The following RUNDC3B variants were observed in gnomAD, a reference collection of about 807,000 sequenced individuals.
RUNDC3B encodes RUN domain-containing protein 3B.
A neutral mutation model predicts 58.4 loss-of-function variants in RUNDC3B; 33 were observed. That is an observed-to-expected ratio of 0.56 (90% CI 0.43 to 0.75). The LOEUF is 0.75. Among genes scored for constraint, RUNDC3B ranks in the 30% least tolerant of loss-of-function variants. RUNDC3B has a pLI of 0.00. For missense variants in RUNDC3B, 501 were observed against 535.7 expected (o/e 0.94, Z 0.64); for synonymous variants, 193 against 195.2 (o/e 0.99, Z 0.10).
At chr7:87,743,795 G>C (rs904882971) in intron 6 of RUNDC3B, among the ~76,000 whole-genome samples, 1 of 151,982 alleles carries the variant, frequency 6.6e-6, no homozygotes, top group Non-Finnish European at 1.5e-5. Flanking sequence ...TCCTTTTGCC[G>C]TGCAAAAGCT....
chr7:87,714,356 G>A (rs1052265724), intron 4 of RUNDC3B, among the ~76,000 whole-genome samples: 3 of 152,276 alleles, frequency 2.0e-5, no homozygotes, highest in African/African-American at 7.2e-5. Flanking sequence ...GAGGGCAGGG[G>A]TAGGTTAGTG....
chr7:87,793,660 G>T (rs1835651120), intron 8 of RUNDC3B, among the ~76,000 whole-genome samples: 1 of 151,886 alleles, frequency 6.6e-6, no homozygotes. Context: ...TCAAAAAACT[G>T]AGTTTTTTTT....
Position 87,628,584 on chromosome 7 carries a change from C to CGTGTGTGTGTGTGTGTGTGTGTGT in RUNDC3B, c.-222_-199dup. On this transcript the variant is annotated 5_prime_UTR_variant, in exon 1 of 11. Coordinates refer to ENST00000394654, the MANE Select transcript of RUNDC3B (RefSeq NM_001134405.2). ...CGAGGGCGGAGGTGGTGCGTGCGTG[C>CGTGTGTGTGTGTGTGTGTGTGTGT]GTGTGTGTGTGTGTGTGTGTGTGTG... The CGTGTGTGTGTGTGTGTGTGTGTGT allele has an allele frequency of 3.6e-6, 1 of 278,498 alleles. No individual in the cohort carries two copies. The highest frequency in any genetic ancestry group is 5.8e-5 in the East Asian group (1 of 17,292). The allele number at this position is 278,498 out of a possible 1,614,324, so 17.3% of individuals were successfully genotyped here.
At chr7:87,730,469 C>A (rs1304323075) in intron 4 of RUNDC3B, among the ~76,000 whole-genome samples, 2 of 151,772 alleles carry the variant, frequency 1.3e-5, no homozygotes, top group African/African-American at 2.4e-5. Context: ...AGAAGAGACT[C>A]TTCTGCTTGA....
At chr7:87,651,300 T>G (rs1823546168) in intron 2 of RUNDC3B, among the ~76,000 whole-genome samples, 1 of 152,142 alleles carries the variant, frequency 6.6e-6, no homozygotes, top group Non-Finnish European at 1.5e-5. Flanking sequence ...TCTACTTTCT[T>G]AAACTTAGGT....
intron 4 of RUNDC3B, among the ~76,000 whole-genome samples, chr7:87,735,636 C>G (rs915420304): frequency 2.6e-5 from 4 of 152,116 alleles, no homozygotes; most frequent in Non-Finnish European, 5.9e-5. Context: ...ATGCCTGCCA[C>G]TCAAGAAGTG....
rs142024281 is a variant in RUNDC3B, at chr7:87,652,888, C to T, written c.238+1951C>T. On this transcript the variant is annotated intron_variant, in intron 2 of 10. Transcript: ENST00000394654. Reference sequence around the variant, plus strand: ...TACAAATTAAAATTTTATAACTTTGCGTGTTTCTAAGATCTACTTTTCTAC... The same window carrying T: ...TACAAATTAAAATTTTATAACTTTGTGTGTTTCTAAGATCTACTTTTCTAC... 7.0e-3 allele frequency among the ~76,000 whole-genome samples: 1,061 copies of T among 151,758 alleles called. 20 individuals carry two copies. The highest frequency in any genetic ancestry group is 0.024 in the African/African-American group (983 of 41,418).
intron 4 of RUNDC3B, among the ~76,000 whole-genome samples, chr7:87,724,692 A>G (rs1453019225): frequency 2.0e-5 from 3 of 152,206 alleles, no homozygotes; most frequent in South Asian, 4.1e-4. Context: ...TTGTCATAGT[A>G]ATCAAAATAA....
intron 6 of RUNDC3B, among the ~76,000 whole-genome samples, chr7:87,768,645 C>T (rs540799695): frequency 2.6e-5 from 4 of 152,312 alleles, no homozygotes; most frequent in African/African-American, 9.6e-5. Context: ...CAGTTTGTCA[C>T]ATTGGTGAGG....
At chr7:87,823,698 G>T (rs201209858) in intron 10 of RUNDC3B, among the ~76,000 whole-genome samples, 1 of 151,816 alleles carries the variant, frequency 6.6e-6, no homozygotes, top group Non-Finnish European at 1.5e-5. Context: ...AGTTACTTCA[G>T]TTAGAATAAT....
chr7:87,755,871 AGCAATCAG>A (rs1833339003), intron 6 of RUNDC3B, among the ~76,000 whole-genome samples: 1 of 152,154 alleles, frequency 6.6e-6, no homozygotes, highest in African/African-American at 2.4e-5. Flanking sequence ...TCCTAGCCAG[AGCAATCAG>A]GCAAGAGAAA....
chr7:87,811,174 T>G (rs1275128351), intron 9 of RUNDC3B, among the ~76,000 whole-genome samples: 1 of 152,174 alleles, frequency 6.6e-6, no homozygotes, highest in Non-Finnish European at 1.5e-5. Context: ...TCACCCATTC[T>G]TATCCCAAAA....
chr7:87,704,914 C>T (rs1829453966), intron 3 of RUNDC3B, among the ~76,000 whole-genome samples: 1 of 152,220 alleles, frequency 6.6e-6, no homozygotes, highest in Admixed American at 6.5e-5. Context: ...TTGAGGCTTA[C>T]AGCTGCAATC....
At chr7:87,783,430 G>GT (rs1835045163) in intron 8 of RUNDC3B, among the ~76,000 whole-genome samples, 1 of 152,100 alleles carries the variant, frequency 6.6e-6, no homozygotes, top group South Asian at 2.1e-4. Flanking sequence ...AAGATAGCAA[G>GT]TGGTTGGGTC....
At chr7:87,776,640 TAC>T in intron 7 of RUNDC3B, among the ~76,000 whole-genome samples, 1 of 152,060 alleles carries the variant, frequency 6.6e-6, no homozygotes, top group Admixed American at 6.6e-5. Context: ...ATTCTTTAAT[TAC>T]TAATGTTTAT....
At chr7:87,708,463 G>A (rs2214106) in intron 3 of RUNDC3B, among the ~76,000 whole-genome samples, 15,697 of 152,050 alleles carry the variant, frequency 0.1, 1,000 homozygotes, top group African/African-American at 0.18. Flanking sequence ...GAAATATCTG[G>A]ATATGTGATA....
At chr7:87,641,219 T>C (rs1822420400) in intron 1 of RUNDC3B, among the ~76,000 whole-genome samples, 1 of 152,182 alleles carries the variant, frequency 6.6e-6, no homozygotes, top group Non-Finnish European at 1.5e-5. Flanking sequence ...TAGTATACAG[T>C]AGAAATAGAC....
At chr7:87,750,886 A>G (rs1832939993) in intron 6 of RUNDC3B, among the ~76,000 whole-genome samples, 1 of 151,558 alleles carries the variant, frequency 6.6e-6, no homozygotes, top group South Asian at 2.1e-4. Flanking sequence ...TAGTTTAATT[A>G]GATCTCATTT....
chr7:87,730,290 G>C (rs529824646), intron 4 of RUNDC3B, among the ~76,000 whole-genome samples: 3 of 152,100 alleles, frequency 2.0e-5, no homozygotes, highest in African/African-American at 7.2e-5. Flanking sequence ...GGGGTCCCCA[G>C]TTCTAGGCCC....
Sources: gnomAD v4.1 joint callset for allele counts (sites outside exome capture counted in the v4.1 genomes callset) on GRCh38, gnomAD v4.1.1 for gene constraint, MANE v1.5 for transcripts, NCBI Gene and HGNC (gene_info 2026-07-23, HGNC 2026-07-21) for gene names.